EMILIN2: variants seen among roughly 807,000 people sequenced by gnomAD.
EMILIN2 encodes EMILIN-2.
EMILIN2 carries 71 observed loss-of-function variants against 87.1 expected under a neutral mutation model. That is an observed-to-expected ratio of 0.82 (90% confidence interval 0.67 to 0.99). EMILIN2 has a LOEUF of 0.99. EMILIN2 is among the 50% of genes least tolerant of loss of function. EMILIN2 has a pLI of 0.00. For missense variants in EMILIN2, 1,407 were observed against 1,371.8 expected (o/e 1.03, Z -0.40); for synonymous variants, 581 against 563.4 (o/e 1.03, Z -0.44).
At chr18:2,858,603 G>GTATA (rs2076644473) in intron 2 of EMILIN2, among the ~76,000 whole-genome samples, 1 of 72,272 alleles carries the variant, frequency 1.4e-5, no homozygotes, top group African/African-American at 9.5e-5. Flanking sequence ...ATATATATAT[G>GTATA]TGTATATATA....
chr18:2,870,133 C>T (rs2076712404), intron 2 of EMILIN2, among the ~76,000 whole-genome samples: 1 of 152,026 alleles, frequency 6.6e-6, no homozygotes, highest in African/African-American at 2.4e-5. Context: ...CCCAGCTACT[C>T]AGGAGGCTGA....
intron 2 of EMILIN2, among the ~76,000 whole-genome samples, chr18:2,879,675 C>A (rs8086044): frequency 0.25 from 37,642 of 149,496 alleles, 4,779 homozygotes; most frequent in Admixed American, 0.29. Flanking sequence ...GCCCCCAACA[C>A]CCCCCCCAAA....
chr18:2,861,885 T>G (rs548424987), intron 2 of EMILIN2, among the ~76,000 whole-genome samples: 9 of 152,368 alleles, frequency 5.9e-5, no homozygotes, highest in African/African-American at 1.9e-4. Flanking sequence ...TTCTTCCATT[T>G]GTTTGTATCC....
At chr18:2,876,732 C>G (rs1199596616) in intron 2 of EMILIN2, among the ~76,000 whole-genome samples, 9 of 152,174 alleles carry the variant, frequency 5.9e-5, no homozygotes, top group Admixed American at 3.3e-4. Context: ...TGCCACTGCA[C>G]TCCAGCCTGG....
chr18:2,857,592 C>T (rs1427644021), intron 2 of EMILIN2, among the ~76,000 whole-genome samples: 1 of 152,204 alleles, frequency 6.6e-6, no homozygotes, highest in Non-Finnish European at 1.5e-5. Flanking sequence ...CGACAGAACT[C>T]AGGGCGTGGG....
chr18:2,868,618 A>T (rs2076702271), intron 2 of EMILIN2, among the ~76,000 whole-genome samples: 1 of 152,194 alleles, frequency 6.6e-6, no homozygotes, highest in East Asian at 1.9e-4. Context: ...ACACAGCGAA[A>T]CCCCGTCTCC....
chr18:2,872,681 G>C (rs17629201), intron 2 of EMILIN2, among the ~76,000 whole-genome samples: 12,912 of 152,202 alleles, frequency 0.085, 582 homozygotes, highest in South Asian at 0.18. Flanking sequence ...TTTTTGCTAA[G>C]CTGTAAGTGA....
At chr18:2,866,442 C>G (rs149805939) in intron 2 of EMILIN2, among the ~76,000 whole-genome samples, 4 of 152,190 alleles carry the variant, frequency 2.6e-5, no homozygotes, top group Non-Finnish European at 2.9e-5. Flanking sequence ...GTTTTTGTAT[C>G]TATTGTAAAA....
At chr18:2,876,272 C>T (rs1027305826) in intron 2 of EMILIN2, among the ~76,000 whole-genome samples, 6 of 151,758 alleles carry the variant, frequency 4.0e-5, no homozygotes, top group African/African-American at 7.3e-5. Context: ...TGAGCCAACG[C>T]GCCCGGCCAG....
At chr18:2,907,444 C>T (rs2076920090) in intron 5 of EMILIN2, among the ~76,000 whole-genome samples, 1 of 152,176 alleles carries the variant, frequency 6.6e-6, no homozygotes, top group East Asian at 1.9e-4. Context: ...AGCAGCGTGG[C>T]TAGGCAGGAG....
rs757068759 is a variant in EMILIN2, at chr18:2,913,255, C to A, written c.3013C>A (p.Pro1005Thr). The A allele has an allele frequency of 1.9e-6, 3 of 1,613,868 alleles. No individual in the cohort carries two copies. The highest frequency in any genetic ancestry group is 1.7e-5 in the Admixed American group (1 of 60,018). ...PPGALHTCGG[P>T]GAFHLIVHLK... is the part of the protein sequence containing the mutation. Reference sequence around the variant, plus strand: ...AGGAGCTTTGCATACCTGCGGGGGCCCGGGGGCATTCCACCTCATCGTGCA... The same window carrying A: ...AGGAGCTTTGCATACCTGCGGGGGCACGGGGGCATTCCACCTCATCGTGCA... The change falls in exon 8 of 8, where the codon CCG becomes ACG. Residue 1005 changes from proline (P) to threonine (T), a missense_variant. Coordinates refer to ENST00000254528, the MANE Select transcript of EMILIN2 (RefSeq NM_032048.3).
At chr18:2,907,235 G>A (rs1039447846) in intron 5 of EMILIN2, 150 bp downstream of exon 5, 46 of 902,156 alleles carry the variant, frequency 5.1e-5, no homozygotes, top group Middle Eastern at 3.9e-4. Flanking sequence ...GCCGAGGCCC[G>A]AGGGACCGCT....
Position 2,891,403 on chromosome 18 carries a change from C to CTG in EMILIN2, c.1277_1278dup (p.Asn427Ter). 6.2e-7 allele frequency: 1 copy of CTG among 1,614,204 alleles called. No individual in the cohort carries two copies. Among genetic ancestry groups the CTG allele is most frequent in the Non-Finnish European group, 8.5e-7 (1 of 1,180,034 alleles). On this transcript the variant is annotated frameshift_variant, in exon 4 of 8. Coordinates refer to ENST00000254528, the MANE Select transcript of EMILIN2 (RefSeq NM_032048.3). LOFTEE classifies it high-confidence loss of function. This position sits in a 1 kb window ranked among gnomAD's most constrained non-coding sequence, Gnocchi z 4.6. ...GAGAGTTGCTGAAGCCACCAGAATG[C>CTG]TGAATGGAAGACTGGACAATGAGTT... is the stretch of plus-strand genomic sequence containing the variant.
chr18:2,879,701 A>G (rs562926411), intron 2 of EMILIN2, among the ~76,000 whole-genome samples: 9 of 146,476 alleles, frequency 6.1e-5, no homozygotes, highest in Non-Finnish European at 1.1e-4. Flanking sequence ...AAAGTTAAGT[A>G]TATTAATTTG....
intron 4 of EMILIN2, among the ~76,000 whole-genome samples, chr18:2,895,601 A>G (rs1356903264): frequency 6.6e-6 from 1 of 152,130 alleles, no homozygotes; most frequent in Admixed American, 6.5e-5. Context: ...AGGTCTGTGA[A>G]GACTCAGTCA....
chr18:2,859,829 C>A (rs1046440876), intron 2 of EMILIN2, among the ~76,000 whole-genome samples: 1 of 152,116 alleles, frequency 6.6e-6, no homozygotes, highest in Non-Finnish European at 1.5e-5. Flanking sequence ...AATAGGGTGT[C>A]CTTTCCCCAC....
rs1262891961 is a variant in EMILIN2, at chr18:2,852,162, G to A, written c.257+4231G>A. 3.3e-5 allele frequency among the ~76,000 whole-genome samples: 5 copies of A among 152,182 alleles called. No homozygotes were observed. The South Asian group carries it at 6.2e-4, about 19-fold the overall frequency. ...AGAATGCATTTCTGTGTGCATTCGCGCGTGTGCATGCATGTGCCTGCATGT... is the reference window on the plus strand; with the variant it reads ...AGAATGCATTTCTGTGTGCATTCGCACGTGTGCATGCATGTGCCTGCATGT... On this transcript the variant is annotated intron_variant, in intron 2 of 7. Transcript: ENST00000254528.
At position 2,880,407 on chromosome 18, in the gene EMILIN2, G is replaced by A. The variant is rs557473765; in HGVS notation, c.258-4557G>A. The stretch of plus-strand genomic sequence containing the variant: ...AAAAGGGTTTTAGAGGAAGAGGCGG[G>A]CAAAGGAGACTTGGCTGGAATGGGG... On this transcript the variant is annotated intron_variant, in intron 2 of 7. Coordinates refer to ENST00000254528, the MANE Select transcript of EMILIN2 (RefSeq NM_032048.3). This position sits in a 1 kb window ranked among gnomAD's most constrained non-coding sequence, Gnocchi z 4.1. Among the ~76,000 whole-genome samples the A allele has an allele frequency of 2.6e-5, 4 of 152,336 alleles. No homozygotes were observed. In the East Asian group the frequency reaches 7.7e-4, roughly 29 times the overall value.
In EMILIN2 at chr18:2,909,678, T is replaced by C. The variant is rs185318522; in HGVS notation, c.2696-13T>C. ...CACCCGGGTCAATCCATTCCATCCT[T>C]TCTCTGCTCCAGGAGCTCCGGTGCC... On this transcript the variant is annotated splice_polypyrimidine_tract_variant and intron_variant, in intron 6 of 7. Coordinates refer to ENST00000254528, the MANE Select transcript of EMILIN2 (RefSeq NM_032048.3). 95 of 1,613,366 alleles carry C rather than the reference T, an allele frequency of 5.9e-5. 1 individual carries two copies. Among genetic ancestry groups the C allele is most frequent in the Middle Eastern group, 3.3e-4 (2 of 6,056 alleles).
Sources: gnomAD v4.1 joint callset for allele counts (sites outside exome capture counted in the v4.1 genomes callset) on GRCh38, gnomAD v4.1.1 for gene constraint, Gnocchi (gnomAD v3.1) non-coding constraint, MANE v1.5 for transcripts, NCBI Gene and HGNC (gene_info 2026-07-23, HGNC 2026-07-21) for gene names.